The following MRE11 variants were observed in gnomAD, a reference collection of about 807,000 sequenced individuals.
MRE11 encodes double-strand break repair protein MRE11.
Under a neutral mutation model 91.7 loss-of-function variants are expected in MRE11, and 62 were observed. That is an observed-to-expected ratio of 0.68 (90% CI 0.55 to 0.84). The LOEUF (loss-of-function observed/expected upper bound fraction) is 0.84. Ranked by LOEUF, MRE11 falls within the 40% of genes least tolerant of loss-of-function variation. The pLI, the probability that MRE11 is intolerant of heterozygous loss-of-function variation, is 0.00. For missense variants in MRE11, 796 were observed against 852.9 expected, an observed-to-expected ratio of 0.93 and a Z score of 0.83; for synonymous variants, 273 against 271.4, an observed-to-expected ratio of 1.01 and a Z score of -0.06.
In MRE11 at chr11:94,459,465, T is replaced by G. The variant is rs375077574; in HGVS notation, c.1443A>C (p.Thr481=). The G allele has an allele frequency of 3.1e-6, 5 of 1,614,124 alleles. No individual in the cohort carries two copies. Among genetic ancestry groups the G allele is most frequent in the Non-Finnish European group, 4.2e-6 (5 of 1,179,964 alleles). Residue 481 remains threonine, a synonymous_variant, in exon 13 of 20, where the codon ACA becomes ACC. Transcript: ENST00000323929. The stretch of plus-strand genomic sequence containing the variant: ...TATGACGTTCTTTAAGAAATCGCTG[T>G]GTTTTTTCCAACTGGTATTTCACTA... ...EELVKYQLEK[T]QRFLKERHID...
At chr11:94,455,952 T>C (rs561234879) in intron 14 of MRE11, among the ~76,000 whole-genome samples, 1 of 152,146 alleles carries the variant, frequency 6.6e-6, no homozygotes, top group Non-Finnish European at 1.5e-5. Flanking sequence ...TAGAGTGTGG[T>C]GGTGCAGCCA....
intron 16 of MRE11, among the ~76,000 whole-genome samples, chr11:94,441,979 A>C (rs1230691873): frequency 1.4e-5 from 2 of 142,922 alleles, no homozygotes; most frequent in Non-Finnish European, 3.0e-5. Flanking sequence ...CTCTGTCTCA[A>C]AAAAAAAAAA....
intron 10 of MRE11, among the ~76,000 whole-genome samples, chr11:94,464,714 T>C (rs1348298930): frequency 6.6e-6 from 1 of 152,188 alleles, no homozygotes; most frequent in Non-Finnish European, 1.5e-5. Flanking sequence ...ATCAAATCTG[T>C]GAGCCTTGAG....
chr11:94,461,063 A>G, intron 11 of MRE11, 27 bp from the exon 12 acceptor site: 1 of 1,565,866 alleles, frequency 6.4e-7, no homozygotes, highest in Non-Finnish European at 8.8e-7. Context: ...ATATCAAAAA[A>G]TAGCTTCTAT....
intron 16 of MRE11, among the ~76,000 whole-genome samples, chr11:94,442,160 A>G (rs750411519): frequency 6.6e-6 from 1 of 152,218 alleles, no homozygotes; most frequent in Non-Finnish European, 1.5e-5. Context: ...GATAATAGCT[A>G]AGGATTTTCT....
intron 3 of MRE11, 97 bp downstream of exon 3, chr11:94,490,736 C>T: frequency 7.0e-7 from 1 of 1,427,568 alleles, no homozygotes; most frequent in Non-Finnish European, 9.9e-7. Context: ...AAGGTAAGCA[C>T]CTGAGCTTAT....
intron 8 of MRE11, 116 bp from the exon 9 acceptor site, chr11:94,470,758 CT>C: frequency 9.5e-7 from 1 of 1,051,198 alleles, no homozygotes; most frequent in Non-Finnish European, 1.4e-6. Flanking sequence ...AAATCATACT[CT>C]TAAAAATAAA....
At chr11:94,484,835 A>G (rs12796917) in intron 4 of MRE11, among the ~76,000 whole-genome samples, 1,539 of 152,366 alleles carry the variant, frequency 0.01, 10 homozygotes, top group Middle Eastern at 0.044. Flanking sequence ...ATGAAAGACA[A>G]GGAAAGACAG....
intron 18 of MRE11, 129 bp downstream of exon 18, chr11:94,435,703 C>T: frequency 1.3e-6 from 1 of 755,964 alleles, no homozygotes; most frequent in South Asian, 1.5e-5. Context: ...TTTCATTCCT[C>T]TACATACTTT....
At chr11:94,462,110 A>C (rs576155568) in intron 11 of MRE11, among the ~76,000 whole-genome samples, 1 of 152,176 alleles carries the variant, frequency 6.6e-6, no homozygotes, top group South Asian at 2.1e-4. Flanking sequence ...CAATGTGCAA[A>C]AATCACAGCA....
In MRE11 at chr11:94,419,114, C is replaced by T. The variant is rs1388854734; in HGVS notation, c.*1011G>A. ...AAGAATGGGATTATTTAACTTAAATCTGAAGATGTCTAATTCTTATTTCTC... is the reference window on the plus strand; with the variant it reads ...AAGAATGGGATTATTTAACTTAAATTTGAAGATGTCTAATTCTTATTTCTC... On this transcript the variant is annotated 3_prime_UTR_variant, in exon 20 of 20. Coordinates refer to ENST00000323929, the MANE Select transcript of MRE11 (RefSeq NM_005591.4). The T allele has an allele frequency of 4.3e-6, 1 of 232,252 alleles. No individual in the cohort carries two copies. The highest frequency in any genetic ancestry group is 8.5e-6 in the Non-Finnish European group (1 of 117,630). 14.4% of individuals were successfully genotyped at this position (232,252 alleles called of 1,614,324 possible).
chr11:94,479,994 C>T (rs1946973867), intron 4 of MRE11, among the ~76,000 whole-genome samples: 1 of 152,126 alleles, frequency 6.6e-6, no homozygotes, highest in Admixed American at 6.5e-5. Flanking sequence ...ATAAACAGTG[C>T]TTGTGGTATG....
chr11:94,486,113 A>C, intron 3 of MRE11, 29 bp from the exon 4 acceptor site: 1 of 1,612,276 alleles, frequency 6.2e-7, no homozygotes, highest in East Asian at 2.2e-5. Flanking sequence ...TGTTAAAATT[A>C]GTATGTTTTA....
chr11:94,434,609 C>G (rs1945552995), intron 18 of MRE11, among the ~76,000 whole-genome samples: 1 of 152,052 alleles, frequency 6.6e-6, no homozygotes, highest in African/African-American at 2.4e-5. Flanking sequence ...GCTGGGACCA[C>G]CGTTTTCCAC....
the MRE11 span, among the ~76,000 whole-genome samples, chr11:94,509,491 G>T: frequency 6.6e-6 from 1 of 151,930 alleles, no homozygotes; most frequent in African/African-American, 2.4e-5. Flanking sequence ...TTGCCAGGCT[G>T]GAGTGCAGTG....
chr11:94,510,090 T>C, the MRE11 span, among the ~76,000 whole-genome samples: 1 of 152,176 alleles, frequency 6.6e-6, no homozygotes, highest in African/African-American at 2.4e-5. Context: ...TGTTATTTCA[T>C]TCTTAAATGT....
At chr11:94,442,488 A>G (rs1945807610) in intron 16 of MRE11, among the ~76,000 whole-genome samples, 1 of 152,106 alleles carries the variant, frequency 6.6e-6, no homozygotes. Context: ...AAAACAAAAA[A>G]GAAAAATAAA....
rs148793473 is a variant in MRE11, at chr11:94,466,179, GT to G, written c.1098+1633del. Among the ~76,000 whole-genome samples the G allele has an allele frequency of 7.2e-3, 1,094 of 152,258 alleles. 11 individuals carry two copies. Among genetic ancestry groups the G allele is most frequent in the African/African-American group, 0.024 (993 of 41,556 alleles). ...CACCCAGGGGACGGCAGCTTTTTTG[GT>G]TTAGACCACATCATGTAGACCCCTG... On this transcript the variant is annotated intron_variant, in intron 10 of 19. Transcript: ENST00000323929.
At chr11:94,470,278 CCTCT>C (rs1946671193) in intron 9 of MRE11, among the ~76,000 whole-genome samples, 189 bp downstream of exon 9, 1 of 151,608 alleles carries the variant, frequency 6.6e-6, no homozygotes, top group East Asian at 1.9e-4. Flanking sequence ...ATCCAGTATT[CCTCT>C]CTCTCAATGA....
Sources: gnomAD v4.1 joint callset for allele counts (sites outside exome capture counted in the v4.1 genomes callset) on GRCh38, gnomAD v4.1.1 for gene constraint, MANE v1.5 for transcripts, NCBI Gene and HGNC (gene_info 2026-07-23, HGNC 2026-07-21) for gene names.